RICTOR: variants seen among roughly 807,000 people sequenced by gnomAD.
RICTOR encodes the protein rapamycin-insensitive companion of mTOR.
Under a neutral mutation model 214.9 loss-of-function variants are expected in RICTOR, and 49 were observed. The observed-to-expected ratio is 0.23, with a 90% CI of 0.18 to 0.29. The LOEUF (loss-of-function observed/expected upper bound fraction) is 0.29. RICTOR is among the 10% of genes least tolerant of loss of function. The pLI is 1.00. For synonymous variants in RICTOR, 717 were observed against 711.3 expected (o/e 1.01, Z -0.13); for missense variants, 1,625 against 2,047.0 (o/e 0.79, Z 3.98).
chr5:39,055,203 A>C lies in RICTOR; in HGVS notation c.97+18908T>G, dbSNP rs116009070. 5.4e-3 allele frequency among the ~76,000 whole-genome samples: 823 copies of C among 152,156 alleles called. 9 individuals carry two copies. The highest frequency in any genetic ancestry group is 0.019 in the African/African-American group (782 of 41,498). ...CTTTGCAGTTGTACCACCCTCTCCA[A>C]GTTATTACTTGTCTCCCTGTCTCTC... On this transcript the variant is annotated intron_variant, in intron 2 of 37. Coordinates refer to ENST00000357387, the MANE Select transcript of RICTOR (RefSeq NM_152756.5).
chr5:39,021,208 G>A (rs1248586501), intron 2 of RICTOR, 72 bp from the exon 3 acceptor site: 5 of 841,032 alleles, frequency 5.9e-6, no homozygotes, highest in East Asian at 2.4e-5. Context: ...AAAACATGCA[G>A]TATTAAAACT....
intron 2 of RICTOR, among the ~76,000 whole-genome samples, chr5:39,039,694 C>A (rs1415884138): frequency 6.6e-6 from 1 of 152,158 alleles, no homozygotes; most frequent in African/African-American, 2.4e-5. Flanking sequence ...GACATTTATG[C>A]AGCCAAAAAA....
intron 2 of RICTOR, among the ~76,000 whole-genome samples, chr5:39,062,093 G>A (rs1758580283): frequency 6.6e-6 from 1 of 151,894 alleles, no homozygotes; most frequent in Non-Finnish European, 1.5e-5. Context: ...GCTTTCTACT[G>A]TTATGCCATT....
chr5:39,050,613 G>C (rs1262324325), intron 2 of RICTOR, among the ~76,000 whole-genome samples: 1 of 151,956 alleles, frequency 6.6e-6, no homozygotes. Flanking sequence ...CTGGATTACA[G>C]GAGTGAGCCA....
chr5:38,967,270 G>C (rs1440736948), intron 13 of RICTOR, 43 bp from the exon 14 acceptor site: 1 of 1,595,562 alleles, frequency 6.3e-7, no homozygotes, highest in South Asian at 1.1e-5. Context: ...AAGTTTCATA[G>C]ATTACACAGT....
intron 8 of RICTOR, among the ~76,000 whole-genome samples, chr5:38,980,308 A>G (rs1275497323): frequency 2.0e-5 from 3 of 152,118 alleles, no homozygotes; most frequent in Non-Finnish European, 4.4e-5. Context: ...ACTGAATGTC[A>G]GGCATTGTGC....
At chr5:38,986,905 T>C (rs1752212744) in intron 7 of RICTOR, among the ~76,000 whole-genome samples, 1 of 152,206 alleles carries the variant, frequency 6.6e-6, no homozygotes, top group Admixed American at 6.5e-5. Context: ...CATCAATACA[T>C]AGTTTACTGA....
At chr5:38,989,524 G>A (rs1184612410) in intron 7 of RICTOR, among the ~76,000 whole-genome samples, 3 of 152,054 alleles carry the variant, frequency 2.0e-5, no homozygotes, top group Admixed American at 1.3e-4. Context: ...AAACTAAAGG[G>A]CTTCTGCACA....
rs10941413 is a variant in RICTOR, at chr5:38,938,562, A to G, written c.*3742T>C. 11,378 of 232,862 alleles carry G rather than the reference A, an allele frequency of 0.049. 703 individuals carry two copies. Among genetic ancestry groups the G allele is most frequent in the East Asian group, 0.25 (4,056 of 16,394 alleles). The allele number at this position is 232,862 out of a possible 1,614,324, so 14.4% of individuals were successfully genotyped here. On this transcript the variant is annotated 3_prime_UTR_variant, in exon 38 of 38. Coordinates refer to ENST00000357387, the MANE Select transcript of RICTOR (RefSeq NM_152756.5). The stretch of plus-strand genomic sequence containing the variant: ...AATTTATGCATGCTGTGGTGCAGCT[A>G]TCCGATACTTACATTACAAAAATAC...
rs1750817343 is a variant in RICTOR at position 38,971,881 on chromosome 5, A to C, written c.968T>G (p.Ile323Arg). ...IGVLCIPNMEIRRGLLEVLYD... is the reference protein window; with the variant it reads ...IGVLCIPNMERRRGLLEVLYD... ...ATCCTAATAACTTTTACCTACCCTT[A>C]TTTCCATATTTGGTATGCAAAGTAC... Residue 323 changes from isoleucine (I) to arginine (R), a missense_variant, in exon 11 of 38, where the codon ATA (isoleucine) becomes AGA (arginine). This residue lies in a region of RICTOR where 258 missense variants were observed against 393.7 expected (regional missense o/e 0.66). Transcript: ENST00000357387. 1 of 1,335,120 alleles carries C rather than the reference A, an allele frequency of 7.5e-7. No individual in the cohort carries two copies. The highest frequency in any genetic ancestry group is 2.3e-5 in the East Asian group (1 of 43,382). The allele number at this position is 1,335,120 out of a possible 1,614,324, so 82.7% of individuals were successfully genotyped here. A position where few individuals can be genotyped will look rare whatever the true frequency, so the allele number is the denominator to read the frequency against.
At chr5:39,021,410 C>T (rs981045818) in intron 2 of RICTOR, among the ~76,000 whole-genome samples, 1 of 152,080 alleles carries the variant, frequency 6.6e-6, no homozygotes, top group Non-Finnish European at 1.5e-5. Flanking sequence ...TGAATGTGTT[C>T]CCCCCAAAGT....
chr5:38,944,510 G>C lies in RICTOR; in HGVS notation c.4849C>G (p.Leu1617Val). ...CTACTCAAATTAATGACTAATCTTA[G>C]AACTTCTTTGCGAAGGAGTATACGG... ...MCRILLRKEV[L>V]RLVINLSSSV... Residue 1617 changes from leucine (L) to valine (V), a missense_variant, in exon 36 of 38, where the codon CTA becomes GTA. Leu to Val is a conservative substitution (Grantham distance 32). Transcript: ENST00000357387. 1 of 1,612,176 alleles carries C rather than the reference G, an allele frequency of 6.2e-7. No individual in the cohort carries two copies. The highest frequency in any genetic ancestry group is 8.5e-7 in the Non-Finnish European group (1 of 1,178,952).
At chr5:39,042,401 T>C (rs1006415623) in intron 2 of RICTOR, among the ~76,000 whole-genome samples, 2 of 152,188 alleles carry the variant, frequency 1.3e-5, no homozygotes, top group African/African-American at 4.8e-5. Flanking sequence ...ACACCAACCG[T>C]ATAAGGTAGG....
intron 2 of RICTOR, among the ~76,000 whole-genome samples, chr5:39,061,563 C>T (rs1417666617): frequency 6.6e-6 from 1 of 151,372 alleles, no homozygotes; most frequent in Non-Finnish European, 1.5e-5. Context: ...TTTAAGCACT[C>T]CAGGTGAACA....
chr5:38,964,709 AT>A (rs1053054748), intron 16 of RICTOR, 82 bp downstream of exon 16: 69 of 671,788 alleles, frequency 1.0e-4, no homozygotes, highest in African/African-American at 1.7e-4. Flanking sequence ...TATCCATACT[AT>A]TTTTTTTAAA....
chr5:39,061,166 G>C (rs775715265), intron 2 of RICTOR, among the ~76,000 whole-genome samples: 4 of 152,076 alleles, frequency 2.6e-5, no homozygotes, highest in African/African-American at 7.2e-5. Context: ...TGAGTGGCCT[G>C]TGTATAAGAA....
At position 38,952,348 on chromosome 5, in the gene RICTOR, G is replaced by A. The variant is rs1172667715; in HGVS notation, c.2975C>T (p.Ala992Val). The change falls in exon 30 of 38, where the codon GCT becomes GTT. Residue 992 changes from alanine to valine, a missense_variant. Around this residue, in one of 5 missense-constraint regions of RICTOR, gnomAD observed 1,214 missense variants for 1,470.5 expected, o/e 0.83. Transcript: ENST00000357387. Reference sequence around the variant, plus strand: ...CAGATGTTTGCGACTATGCCTCACAGCATCCCAGTTGTGACATTTTAGAAT... The same window carrying A: ...CAGATGTTTGCGACTATGCCTCACAACATCCCAGTTGTGACATTTTAGAAT... Reference protein sequence around the residue: ...CDILKCHNWDAVRHSRKHLWP... With the variant: ...CDILKCHNWDVVRHSRKHLWP... 6.1e-5 allele frequency: 98 copies of A among 1,612,904 alleles called. No homozygotes were observed. The highest frequency in any genetic ancestry group is 7.9e-5 in the Non-Finnish European group (93 of 1,179,320).
chr5:38,968,481 CAA>C (rs777747600), intron 11 of RICTOR, among the ~76,000 whole-genome samples: 3 of 134,988 alleles, frequency 2.2e-5, no homozygotes, highest in Non-Finnish European at 1.6e-5. Flanking sequence ...AAAAACAAAA[CAA>C]AAAAAAAAAA....
At chr5:38,960,117 T>C in intron 20 of RICTOR, 139 bp from the exon 21 acceptor site, 1 of 689,984 alleles carries the variant, frequency 1.4e-6, no homozygotes, top group Admixed American at 2.4e-5. Context: ...GTACCTGTTG[T>C]TTTCTAATCC....
Sources: allele counts gnomAD v4.1 joint callset (sites outside exome capture counted in the v4.1 genomes callset), GRCh38; gene constraint gnomAD v4.1.1; regional missense constraint gnomAD v4.1.1; transcripts MANE v1.5; gene names NCBI Gene and HGNC (gene_info 2026-07-23, HGNC 2026-07-21).